The following KIF18B variants were observed in gnomAD, a reference collection of about 807,000 sequenced individuals.
KIF18B encodes the protein kinesin family member 18B, also known as kinesin-like protein KIF18B.
Under a neutral mutation model 80.9 loss-of-function variants are expected in KIF18B, and 49 were observed. The ratio of observed to expected loss-of-function variants is 0.61; its 90% CI spans 0.48 to 0.77. The LOEUF (loss-of-function observed/expected upper bound fraction) is 0.77. Ranked by LOEUF, KIF18B falls within the 30% of genes least tolerant of loss-of-function variation. KIF18B has a pLI of 0.00. For synonymous variants in KIF18B, 439 were observed against 463.9 expected, an observed-to-expected ratio of 0.95 and a Z score of 0.69; for missense variants, 994 against 1,127.7, an observed-to-expected ratio of 0.88 and a Z score of 1.70.
Position 44,925,851 on chromosome 17 carries a change from A to C in KIF18B, c.*229T>G, listed in dbSNP as rs1415355248. 30 of 587,828 alleles carry C rather than the reference A, an allele frequency of 5.1e-5. No homozygotes were observed. The highest frequency in any genetic ancestry group is 2.9e-5 in the East Asian group (1 of 34,532). 36.4% of individuals were successfully genotyped at this position (587,828 alleles called of 1,614,324 possible). On this transcript the variant is annotated 3_prime_UTR_variant, in exon 16 of 16. Transcript: ENST00000593135. ...AGCAGCACATTAACACTCACAAATG[A>C]ATATGTACATGCCAAGAAGCTGAGT...
At position 44,932,219 on chromosome 17, in the gene KIF18B, G is replaced by C. The variant is rs1393843800; in HGVS notation, c.1239-13C>G. ...GGTGCAGGGCTGGCTGGGAGGGTGG[G>C]GTGGCAAGGGGGAGCTGGGAAGGCT... On this transcript the variant is annotated splice_polypyrimidine_tract_variant and intron_variant, in intron 9 of 15. Transcript: ENST00000593135. 6.4e-7 allele frequency: 1 copy of C among 1,573,250 alleles called. No individual in the cohort carries two copies. Among genetic ancestry groups the C allele is most frequent in the Non-Finnish European group, 8.6e-7 (1 of 1,157,380 alleles).
At chr17:44,947,112 C>CAA in intron 1 of KIF18B, among the ~76,000 whole-genome samples, 1 of 38,892 alleles carries the variant, frequency 2.6e-5, no homozygotes, top group Admixed American at 2.9e-4. Context: ...GACTCCATCT[C>CAA]CAAAAAAAAA....
chr17:44,927,938 G>T lies in KIF18B; in HGVS notation c.2276+88C>A. On this transcript the variant is annotated intron_variant, in intron 13 of 15. Coordinates refer to ENST00000593135, the MANE Select transcript of KIF18B (RefSeq NM_001265577.2). This position sits in a 1 kb window ranked among gnomAD's most constrained non-coding sequence, Gnocchi z 4.1. ...TAGGAACCGTCCCAGCTCCAAGGCTGTCCTCCATACTTCTCAGCAGCACCA... is the reference window on the plus strand; with the variant it reads ...TAGGAACCGTCCCAGCTCCAAGGCTTTCCTCCATACTTCTCAGCAGCACCA... The T allele has an allele frequency of 8.4e-7, 1 of 1,184,074 alleles. No individual in the cohort carries two copies. Among genetic ancestry groups the T allele is most frequent in the Non-Finnish European group, 1.2e-6 (1 of 865,412 alleles). 73.3% of individuals were successfully genotyped at this position (1,184,074 alleles called of 1,614,324 possible).
Position 44,928,182 on chromosome 17 carries a change from T to C in KIF18B, c.2120A>G (p.Gln707Arg), listed in dbSNP as rs1267518966. 6.2e-7 allele frequency: 1 copy of C among 1,612,192 alleles called. No individual in the cohort carries two copies. The highest frequency in any genetic ancestry group is 1.1e-5 in the South Asian group (1 of 90,862). The change falls in exon 13 of 16, where the codon CAG (glutamine) becomes CGG (arginine). Residue 707 changes from glutamine (Q) to arginine (R), a missense_variant. By Grantham distance (43) the Gln-to-Arg change is conservative. Coordinates refer to ENST00000593135, the MANE Select transcript of KIF18B (RefSeq NM_001265577.2). ...CAGAGCCAGCGGGGTGGAGCAGTTC[T>C]GCATGGCGGAAGGGCCCAGGGGCAC... ...SRVPLGPSAMQNCSTPLALPT... is the reference protein window; with the variant it reads ...SRVPLGPSAMRNCSTPLALPT...
At chr17:44,941,337 T>C (rs573391149) in intron 1 of KIF18B, among the ~76,000 whole-genome samples, 2 of 144,036 alleles carry the variant, frequency 1.4e-5, no homozygotes, top group Admixed American at 1.4e-4. Context: ...TAATTTTCTT[T>C]TTCTTTTTTT....
In KIF18B at chr17:44,936,590, CTCTCTCTCTATATATATATATA is replaced by C. The variant is rs1416693473; in HGVS notation, c.-14-254_-14-233del. Among the ~76,000 whole-genome samples the C allele has an allele frequency of 1.4e-3, 82 of 59,040 alleles. 1 individual carries two copies. Among genetic ancestry groups the C allele is most frequent in the African/African-American group, 5.5e-3 (81 of 14,640 alleles). 38.7% of individuals were successfully genotyped at this position (59,040 alleles called of 152,430 possible). A position where few individuals can be genotyped will look rare whatever the true frequency, so the allele number is the denominator to read the frequency against. On this transcript the variant is annotated intron_variant, in intron 1 of 15. Transcript: ENST00000593135. ...TCTCTCTCTCTCTCTCTCTCTCTCT[CTCTCTCTCTATATATATATATA>C]TATATATATATATTTTTTTTTTTTT...
chr17:44,929,935 A>G (rs1428607394), intron 11 of KIF18B, among the ~76,000 whole-genome samples: 1 of 152,310 alleles, frequency 6.6e-6, no homozygotes, highest in South Asian at 2.1e-4. Context: ...TTCTTTCTGT[A>G]AGGCACACCT....
chr17:44,933,980 G>T lies in KIF18B; in HGVS notation c.1005C>A (p.Tyr335Ter). Reference sequence around the variant, plus strand: ...ATTTGAGGGTGTTGTACGTGTCCTCGTAGGTCAGGCTGGAGGGGCTGATGG... The same window carrying T: ...ATTTGAGGGTGTTGTACGTGTCCTCTTAGGTCAGGCTGGAGGGGCTGATGG... Reference protein sequence around the residue: ...IAAISPSSLTYEDTYNTLKYA... With the variant: ...IAAISPSSLT Residue 335 changes from tyrosine (Y) to a stop codon, truncating the protein, a stop_gained, in exon 7 of 16, where the codon TAC becomes TAA. Transcript: ENST00000593135. LOFTEE classifies it high-confidence loss of function. 6.2e-7 allele frequency: 1 copy of T among 1,602,642 alleles called. No homozygotes were observed. Among genetic ancestry groups the T allele is most frequent in the South Asian group, 1.1e-5 (1 of 88,930 alleles).
chr17:44,945,520 G>A (rs1036610860), intron 1 of KIF18B, among the ~76,000 whole-genome samples: 2 of 152,070 alleles, frequency 1.3e-5, no homozygotes, highest in African/African-American at 4.8e-5. Flanking sequence ...CATCCCACAA[G>A]TTTTATAAAT....
chr17:44,937,384 C>T (rs2052331337), intron 1 of KIF18B, among the ~76,000 whole-genome samples: 1 of 152,126 alleles, frequency 6.6e-6, no homozygotes, highest in African/African-American at 2.4e-5. Flanking sequence ...AAGATTGTGG[C>T]TACTGCCTTT....
rs780029819 is a variant in KIF18B, at chr17:44,933,003, G to A, written c.1063-17C>T. On this transcript the variant is annotated splice_polypyrimidine_tract_variant and intron_variant, in intron 7 of 15. Transcript: ENST00000593135. ...GCTCTTCAGCTGAGATGGGGAACAG[G>A]AGAGAGATTTATTTGTTCATTCAAA... 4.4e-6 allele frequency: 7 copies of A among 1,597,886 alleles called. No individual in the cohort carries two copies. The highest frequency in any genetic ancestry group is 1.1e-5 in the South Asian group (1 of 90,312).
chr17:44,939,828 T>A (rs960461369), intron 1 of KIF18B, among the ~76,000 whole-genome samples: 13 of 152,220 alleles, frequency 8.5e-5, no homozygotes, highest in African/African-American at 3.1e-4. Flanking sequence ...TTTTTATTTT[T>A]TTTTTAGACT....
Position 44,928,299 on chromosome 17 carries a change from G to A in KIF18B, c.2003C>T (p.Pro668Leu). 6.2e-7 allele frequency: 1 copy of A among 1,613,380 alleles called. No individual in the cohort carries two copies. Reference sequence around the variant, plus strand: ...TTTGGGGGTGCTGGGCCCCTGTGAAGGTTGGGTGTCAGGCAGAGACCCTCT... The same window carrying A: ...TTTGGGGGTGCTGGGCCCCTGTGAAAGTTGGGTGTCAGGCAGAGACCCTCT... Reference protein sequence around the residue: ...LRRGSLPDTQPSQGPSTPKGE... With the variant: ...LRRGSLPDTQLSQGPSTPKGE... The change falls in exon 13 of 16, where the codon CCT becomes CTT. Residue 668 changes from proline (P) to leucine (L), a missense_variant. Physicochemically the swap from Pro to Leu is moderately conservative, Grantham distance 98 (BLOSUM62 -3). Coordinates refer to ENST00000593135, the MANE Select transcript of KIF18B (RefSeq NM_001265577.2).
chr17:44,938,552 T>A (rs1194337625), intron 1 of KIF18B, among the ~76,000 whole-genome samples: 2 of 152,214 alleles, frequency 1.3e-5, no homozygotes, highest in African/African-American at 4.8e-5. Context: ...TATATTTCTA[T>A]CTAATATTTT....
intron 1 of KIF18B, among the ~76,000 whole-genome samples, chr17:44,942,174 C>A (rs1224787346): frequency 2.0e-5 from 3 of 152,196 alleles, no homozygotes; most frequent in Non-Finnish European, 2.9e-5. Context: ...GAATGTGTGT[C>A]AAGTTTGCTT....
At chr17:44,935,139 CT>C in intron 3 of KIF18B, 119 bp downstream of exon 3, 1 of 1,110,522 alleles carries the variant, frequency 9.0e-7, no homozygotes, top group Non-Finnish European at 1.3e-6. Context: ...TATCTATCTC[CT>C]TGAGGGGTGC....
chr17:44,941,709 T>G (rs921411777), intron 1 of KIF18B, among the ~76,000 whole-genome samples: 1 of 152,176 alleles, frequency 6.6e-6, no homozygotes, highest in Non-Finnish European at 1.5e-5. Context: ...AACCCCACTT[T>G]GGCACCCGGG....
In KIF18B at chr17:44,935,048, G is replaced by C. The variant is rs2052252264; in HGVS notation, c.472-113C>G. ...GGATGTATCTGAGACACCCACAGAA[G>C]TGGCGCTTCCCAGGACTGTGTTACA... On this transcript the variant is annotated intron_variant, in intron 3 of 15. Coordinates refer to ENST00000593135, the MANE Select transcript of KIF18B (RefSeq NM_001265577.2). 1.8e-5 allele frequency: 16 copies of C among 907,612 alleles called. No homozygotes were observed. In the South Asian group the frequency reaches 2.6e-4, roughly 15 times the overall value. The allele number at this position is 907,612 out of a possible 1,614,324, so 56.2% of individuals were successfully genotyped here.
At position 44,934,307 on chromosome 17, in the gene KIF18B, G is replaced by A; in HGVS notation, c.811C>T (p.Leu271=). 1 of 1,612,014 alleles carries A rather than the reference G, an allele frequency of 6.2e-7. No individual in the cohort carries two copies. The highest frequency in any genetic ancestry group is 8.5e-7 in the Non-Finnish European group (1 of 1,179,218). The stretch of plus-strand genomic sequence containing the variant: ...CGGTTGATGTTGGCCCCCTCCCGCA[G>A]CCGCTCCCCCTTCGCATGGGTGCTG... The part of the protein sequence containing the change: ...ASSTHAKGER[L]REGANINRSL... Residue 271 remains leucine (L), a synonymous_variant, in exon 6 of 16, where the codon CTG becomes TTG. Transcript: ENST00000593135. This position sits in a 1 kb window ranked among gnomAD's most constrained non-coding sequence, Gnocchi z 5.4.
Sources: allele counts gnomAD v4.1 joint callset (sites outside exome capture counted in the v4.1 genomes callset), GRCh38; gene constraint gnomAD v4.1.1; non-coding constraint Gnocchi (gnomAD v3.1); transcripts MANE v1.5; gene names NCBI Gene and HGNC (gene_info 2026-07-23, HGNC 2026-07-21).